RBFOX1: variants seen among roughly 807,000 people sequenced by gnomAD.
RBFOX1 encodes RNA binding fox-1 homolog 1, also known as RNA binding protein fox-1 homolog 1.
In RBFOX1, 8 loss-of-function variants were observed where a neutral mutation model predicts 57.7. That is an observed-to-expected ratio of 0.14 (90% CI 0.08 to 0.25). The LOEUF (loss-of-function observed/expected upper bound fraction) is 0.25. Ranked by LOEUF, RBFOX1 falls within the 10% of genes least tolerant of loss-of-function variation. The pLI, the probability that RBFOX1 is intolerant of heterozygous loss-of-function variation, is 1.00. For synonymous variants in RBFOX1, 326 were observed against 222.4 expected (o/e 1.47, Z -4.15); for missense variants, 611 against 548.5 (o/e 1.11, Z -1.14).
chr16:6,578,971 C>A (rs2097490797), intron 2 of RBFOX1, among the ~76,000 whole-genome samples: 1 of 151,898 alleles, frequency 6.6e-6, no homozygotes, highest in Non-Finnish European at 1.5e-5. Flanking sequence ...GTGTACCAAA[C>A]TGTCGGAAAT....
At chr16:6,956,202 C>T (rs72774232) in intron 3 of RBFOX1, among the ~76,000 whole-genome samples, 22,560 of 152,104 alleles carry the variant, frequency 0.15, 1,983 homozygotes, top group Non-Finnish European at 0.19. Flanking sequence ...ATGGGAGTAC[C>T]ACACAGGAGA....
chr16:5,870,874 C>T (rs886624899), intron 4 of RBFOX1, among the ~76,000 whole-genome samples: 2 of 152,018 alleles, frequency 1.3e-5, no homozygotes, highest in African/African-American at 4.8e-5. Context: ...CTTTCCCCCC[C>T]ACCCCCAAGT....
intron 3 of RBFOX1, among the ~76,000 whole-genome samples, chr16:6,851,079 A>G (rs1603632259): frequency 1.3e-5 from 2 of 152,234 alleles, no homozygotes; most frequent in South Asian, 4.1e-4. Context: ...CACAACAACT[A>G]GGATGAAACT....
chr16:6,085,686 G>T (rs941726315), intron 1 of RBFOX1, among the ~76,000 whole-genome samples: 4 of 152,096 alleles, frequency 2.6e-5, no homozygotes, highest in African/African-American at 4.8e-5. Context: ...GTGTGCATGC[G>T]CGCACGCACA....
intron 4 of RBFOX1, among the ~76,000 whole-genome samples, chr16:5,873,221 A>G (rs2057521210): frequency 1.3e-5 from 2 of 152,348 alleles, no homozygotes; most frequent in South Asian, 4.1e-4. Flanking sequence ...ATTAGGAATC[A>G]TCGAGACCTG....
intron 1 of RBFOX1, among the ~76,000 whole-genome samples, chr16:5,362,923 A>T (rs1344081028): frequency 6.6e-6 from 1 of 151,388 alleles, no homozygotes; most frequent in Non-Finnish European, 1.5e-5. Flanking sequence ...TTCCTTATCC[A>T]TTTATCCATC....
intron 4 of RBFOX1, among the ~76,000 whole-genome samples, chr16:7,496,764 T>A (rs1239058533): frequency 8.8e-6 from 1 of 113,164 alleles, no homozygotes; most frequent in Non-Finnish European, 1.8e-5. Context: ...AAAAAACAGT[T>A]TGCATTGTGT....
chr16:7,439,163 C>A (rs777325406), intron 4 of RBFOX1, among the ~76,000 whole-genome samples: 12 of 152,246 alleles, frequency 7.9e-5, no homozygotes, highest in South Asian at 2.1e-4. Context: ...TTTACGCAGG[C>A]CTTCGCGCTG....
chr16:6,743,369 C>T (rs766235387), intron 3 of RBFOX1, among the ~76,000 whole-genome samples: 14 of 152,084 alleles, frequency 9.2e-5, no homozygotes, highest in Non-Finnish European at 1.6e-4. Flanking sequence ...AGTTCAAAGG[C>T]AGAGATTGTC....
intron 4 of RBFOX1, among the ~76,000 whole-genome samples, chr16:7,481,817 C>G (rs1446242664): frequency 2.0e-5 from 3 of 152,188 alleles, no homozygotes; most frequent in Non-Finnish European, 4.4e-5. Context: ...TTAGCCTAGC[C>G]TGCCTTAAAA....
chr16:6,851,109 C>A (rs769772415), intron 3 of RBFOX1, among the ~76,000 whole-genome samples: 5 of 152,134 alleles, frequency 3.3e-5, no homozygotes, highest in Non-Finnish European at 7.3e-5. Context: ...GTTTCACTCC[C>A]TTGTGGTGAG....
At chr16:5,942,015 A>T (rs1012504656) in intron 4 of RBFOX1, among the ~76,000 whole-genome samples, 5 of 151,902 alleles carry the variant, frequency 3.3e-5, no homozygotes, top group African/African-American at 9.7e-5. Flanking sequence ...AATAACAGAA[A>T]TCAGTCATTA....
intron 3 of RBFOX1, among the ~76,000 whole-genome samples, chr16:6,714,879 T>G (rs2154155098): frequency 6.6e-6 from 1 of 152,210 alleles, no homozygotes; most frequent in South Asian, 2.1e-4. Context: ...GAAAAAAGTC[T>G]CTAGAAGGCA....
At chr16:6,933,652 G>A (rs1293969797) in intron 3 of RBFOX1, among the ~76,000 whole-genome samples, 1 of 152,234 alleles carries the variant, frequency 6.6e-6, no homozygotes, top group Non-Finnish European at 1.5e-5. Flanking sequence ...GGGAGAGGTT[G>A]CAGTGAGTCA....
intron 4 of RBFOX1, among the ~76,000 whole-genome samples, chr16:7,079,226 C>G (rs1234293183): frequency 6.6e-6 from 1 of 152,132 alleles, no homozygotes; most frequent in African/African-American, 2.4e-5. Context: ...TGTTTATTGG[C>G]CAAACCCAGT....
intron 3 of RBFOX1, among the ~76,000 whole-genome samples, chr16:5,866,649 T>C (rs1200628248): frequency 3.3e-5 from 5 of 152,320 alleles, no homozygotes; most frequent in Non-Finnish European, 7.4e-5. Context: ...CTACGTGACT[T>C]TATGTTGGGT....
chr16:6,487,731 ATATATATATATATATATAT>A (rs1345002300), intron 2 of RBFOX1, among the ~76,000 whole-genome samples: 4,936 of 51,762 alleles, frequency 0.095, 368 homozygotes, highest in East Asian at 0.32. Flanking sequence ...ATATATATAT[ATATATATATATATATATAT>A]ATATAAAATA....
chr16:7,198,383 G>A (rs553186881), intron 4 of RBFOX1, among the ~76,000 whole-genome samples: 1 of 152,162 alleles, frequency 6.6e-6, no homozygotes, highest in Admixed American at 6.5e-5. Context: ...GCAACATTGT[G>A]AATGTACTAA....
At chr16:5,610,876 T>TAA (rs1253846855) in intron 3 of RBFOX1, among the ~76,000 whole-genome samples, 1 of 151,716 alleles carries the variant, frequency 6.6e-6, no homozygotes, top group African/African-American at 2.4e-5. Context: ...TGTCAAAAGA[T>TAA]AAAAATAAAA....
Sources: gnomAD v4.1 joint callset for allele counts (sites outside exome capture counted in the v4.1 genomes callset) on GRCh38, gnomAD v4.1.1 for gene constraint, MANE v1.5 for transcripts, NCBI Gene and HGNC (gene_info 2026-07-23, HGNC 2026-07-21) for gene names.